The following TACR3 variants were observed in gnomAD, a reference collection of about 807,000 sequenced individuals.
TACR3 encodes the protein tachykinin receptor 3, also known as neuromedin-K receptor.
A neutral mutation model predicts 35.0 loss-of-function variants in TACR3; 34 were observed. The ratio of observed to expected loss-of-function variants is 0.97; its 90% confidence interval spans 0.74 to 1.30. TACR3 has a LOEUF of 1.30. Among genes scored for constraint, TACR3 ranks in the 50% most tolerant of loss-of-function variants. The probability of loss-of-function intolerance (pLI) is 0.00; values close to 1 mark genes in which losing one functional copy is unlikely to be tolerated. For missense variants in TACR3, 558 were observed against 591.7 expected (o/e 0.94, Z 0.59); for synonymous variants, 233 against 221.1 (o/e 1.05, Z -0.48).
chr4:103,712,845 AT>A, intron 1 of TACR3, among the ~76,000 whole-genome samples: 1 of 152,354 alleles, frequency 6.6e-6, no homozygotes, highest in Non-Finnish European at 1.5e-5. Context: ...AAAAGAAGAC[AT>A]TTATGCAGCC....
At chr4:103,702,661 A>C (rs140007224) in intron 1 of TACR3, among the ~76,000 whole-genome samples, 3,265 of 152,224 alleles carry the variant, frequency 0.021, 125 homozygotes, top group African/African-American at 0.074. Context: ...CAAATGTCAA[A>C]CAATGATGGA....
Position 103,656,364 on chromosome 4 carries a change from C to G in TACR3, c.738-20G>C. On this transcript the variant is annotated intron_variant, in intron 2 of 4. Coordinates refer to ENST00000304883, the MANE Select transcript of TACR3 (RefSeq NM_001059.3). ...TGGTAACTATGAAAAATAAGAAAAA[C>G]ACATGCTGAAGACCTTATTGGAATG... The G allele has an allele frequency of 6.2e-7, 1 of 1,610,002 alleles. No homozygotes were observed. The highest frequency in any genetic ancestry group is 1.7e-4 in the Middle Eastern group (1 of 5,882).
intron 3 of TACR3, among the ~76,000 whole-genome samples, chr4:103,602,490 TC>T (rs1469232031): frequency 9.5e-5 from 6 of 62,876 alleles, no homozygotes; most frequent in East Asian, 8.3e-3. Flanking sequence ...GTTTTTCTGC[TC>T]TTTTTTTTTT....
chr4:103,687,813 C>A (rs1722284395), intron 1 of TACR3, among the ~76,000 whole-genome samples: 1 of 152,074 alleles, frequency 6.6e-6, no homozygotes, highest in African/African-American at 2.4e-5. Context: ...GTGAAAATGG[C>A]CATACTGCCC....
At chr4:103,716,892 T>G (rs114788623) in intron 1 of TACR3, among the ~76,000 whole-genome samples, 3,313 of 152,314 alleles carry the variant, frequency 0.022, 50 homozygotes, top group Middle Eastern at 0.054. Flanking sequence ...CTGTTTACTA[T>G]ATTCTTAGCT....
chr4:103,687,458 T>A (rs1164714131), intron 1 of TACR3, among the ~76,000 whole-genome samples: 1 of 152,100 alleles, frequency 6.6e-6, no homozygotes, highest in Non-Finnish European at 1.5e-5. Flanking sequence ...AGTCAAATTG[T>A]CCCTGTTTGC....
chr4:103,619,448 C>T (rs866022018), intron 3 of TACR3, among the ~76,000 whole-genome samples: 29 of 152,266 alleles, frequency 1.9e-4, no homozygotes, highest in Middle Eastern at 3.4e-3. Context: ...CCTCAGCCTC[C>T]CAAATTGCTG....
Position 103,592,582 on chromosome 4 carries a change from G to A in TACR3, c.889-899C>T, listed in dbSNP as rs566646453. ...GGATGAATGAATAATAAATAGCAAT[G>A]TACAATGAACAATGTTCATATCTCT... On this transcript the variant is annotated intron_variant, in intron 3 of 4. Transcript: ENST00000304883. Among the ~76,000 whole-genome samples the A allele has an allele frequency of 3.4e-4, 52 of 152,192 alleles. No homozygotes were observed. The South Asian group carries it at 8.3e-3, about 24-fold the overall frequency.
chr4:103,657,283 A>G (rs1010408479), intron 2 of TACR3, among the ~76,000 whole-genome samples: 1 of 151,884 alleles, frequency 6.6e-6, no homozygotes, highest in African/African-American at 2.4e-5. Context: ...TCCATTTCTC[A>G]GTAGATTACT....
intron 3 of TACR3, among the ~76,000 whole-genome samples, chr4:103,653,206 G>A (rs1249166207): frequency 1.3e-5 from 2 of 152,046 alleles, no homozygotes; most frequent in East Asian, 1.9e-4. Context: ...TATTCTAGAA[G>A]GGTCACACTC....
At chr4:103,601,478 C>G (rs1472281598) in intron 3 of TACR3, among the ~76,000 whole-genome samples, 1 of 152,086 alleles carries the variant, frequency 6.6e-6, no homozygotes, top group Non-Finnish European at 1.5e-5. Flanking sequence ...TTCTTCCTAG[C>G]CTTGATGGTC....
chr4:103,628,905 A>C (rs974499958), intron 3 of TACR3, among the ~76,000 whole-genome samples: 22 of 149,884 alleles, frequency 1.5e-4, no homozygotes, highest in African/African-American at 5.4e-4. Context: ...ATACTGACAA[A>C]CTGAATCCAG....
chr4:103,689,989 A>T (rs943789747), intron 1 of TACR3, among the ~76,000 whole-genome samples: 1 of 152,158 alleles, frequency 6.6e-6, no homozygotes, highest in Non-Finnish European at 1.5e-5. Flanking sequence ...CACACAAGAG[A>T]GCCATAATGA....
intron 1 of TACR3, among the ~76,000 whole-genome samples, chr4:103,703,628 C>T (rs2110225417): frequency 6.6e-6 from 1 of 152,158 alleles, no homozygotes; most frequent in Middle Eastern, 3.4e-3. Flanking sequence ...GTCTAATCTG[C>T]AGCATTTATT....
intron 3 of TACR3, among the ~76,000 whole-genome samples, chr4:103,634,607 T>C (rs1053781163): frequency 5.9e-5 from 9 of 152,138 alleles, no homozygotes; most frequent in Non-Finnish European, 1.3e-4. Context: ...TACCTCTTGC[T>C]GCATATGAAC....
At chr4:103,635,036 T>A (rs1022252265) in intron 3 of TACR3, among the ~76,000 whole-genome samples, 2 of 152,026 alleles carry the variant, frequency 1.3e-5, no homozygotes, top group Non-Finnish European at 2.9e-5. Flanking sequence ...AGTCTCCATA[T>A]AGCTTGCTTG....
At chr4:103,592,391 T>C (rs1045812935) in intron 3 of TACR3, among the ~76,000 whole-genome samples, 1 of 152,210 alleles carries the variant, frequency 6.6e-6, no homozygotes, top group African/African-American at 2.4e-5. Flanking sequence ...TTTGATTGTA[T>C]ACTTGTGAAT....
At chr4:103,701,848 T>G (rs1163227369) in intron 1 of TACR3, among the ~76,000 whole-genome samples, 3 of 152,304 alleles carry the variant, frequency 2.0e-5, no homozygotes, top group African/African-American at 7.2e-5. Flanking sequence ...GCTAGCCATA[T>G]GTAGAAAGCT....
chr4:103,682,632 C>T (rs1316493175), intron 1 of TACR3, among the ~76,000 whole-genome samples: 2 of 152,018 alleles, frequency 1.3e-5, no homozygotes, highest in African/African-American at 4.8e-5. Context: ...AGAGCCAAAC[C>T]GTATCACTGG....
Sources: gnomAD v4.1 joint callset for allele counts (sites outside exome capture counted in the v4.1 genomes callset) on GRCh38, gnomAD v4.1.1 for gene constraint, MANE v1.5 for transcripts, NCBI Gene and HGNC (gene_info 2026-07-23, HGNC 2026-07-21) for gene names.